SATB2: variants seen among roughly 807,000 people sequenced by gnomAD.
SATB2 encodes the protein DNA-binding protein SATB2.
A neutral mutation model predicts 73.4 loss-of-function variants in SATB2; 1 was observed. That is an observed-to-expected ratio of 0.01 (90% CI 0.00 to 0.06). SATB2 has a LOEUF of 0.06. Ranked by LOEUF, SATB2 falls within the 10% of genes least tolerant of loss-of-function variation. SATB2 has a pLI of 1.00. For synonymous variants in SATB2, 397 were observed against 367.0 expected, an observed-to-expected ratio of 1.08 and a Z score of -0.93; for missense variants, 459 against 945.8, an observed-to-expected ratio of 0.49 and a Z score of 6.75.
intron 3 of SATB2, among the ~76,000 whole-genome samples, chr2:199,420,646 T>C (rs1574612413): frequency 6.6e-6 from 1 of 152,230 alleles, no homozygotes; most frequent in South Asian, 2.1e-4. Context: ...TCAGACAAAT[T>C]CATAATCTTG....
chr2:199,371,294 A>G (rs1244893129), intron 5 of SATB2, among the ~76,000 whole-genome samples: 1 of 152,196 alleles, frequency 6.6e-6, no homozygotes, highest in Non-Finnish European at 1.5e-5. Context: ...TGCTCTGGAC[A>G]CATACCACAA....
chr2:199,434,400 G>A (rs538028706), intron 2 of SATB2, among the ~76,000 whole-genome samples: 1 of 152,156 alleles, frequency 6.6e-6, no homozygotes, highest in East Asian at 1.9e-4. Context: ...ATCAAAGTGT[G>A]AAAAGCTAAA....
intron 8 of SATB2, among the ~76,000 whole-genome samples, chr2:199,324,195 T>C (rs1046957017): frequency 6.6e-6 from 1 of 151,976 alleles, no homozygotes; most frequent in Non-Finnish European, 1.5e-5. Flanking sequence ...CAGACGAAGG[T>C]TCACAGGTAG....
Position 199,380,395 on chromosome 2 carries a change from C to T in SATB2, c.566G>A (p.Ser189Asn). The T allele has an allele frequency of 6.2e-7, 1 of 1,613,966 alleles. No individual in the cohort carries two copies. Among genetic ancestry groups the T allele is most frequent in the African/African-American group, 1.3e-5 (1 of 75,042 alleles). ...LKELLKEMNQSTLAKECPLSQ... is the reference protein window; with the variant it reads ...LKELLKEMNQNTLAKECPLSQ... ...GAGAGGGCATTCTTTGGCTAATGTG[C>T]TCTGGTTCATCTCTTTGAGCAGTTC... Residue 189 changes from serine (S) to asparagine (N), a missense_variant, in exon 5 of 11, where the codon AGC (serine) becomes AAC (asparagine). Transcript: ENST00000417098.
At chr2:199,462,527 C>T (rs1463967767), upstream of SATB2, among the ~76,000 whole-genome samples, 1 of 152,166 alleles carries the variant, frequency 6.6e-6, no homozygotes, top group Non-Finnish European at 1.5e-5. This position sits in a 1 kb window ranked among gnomAD's most constrained non-coding sequence, Gnocchi z 5.9. Flanking sequence ...CGTCTGGGGA[C>T]TGACCGGAGC....
At chr2:199,410,799 G>A (rs1690789297) in intron 3 of SATB2, among the ~76,000 whole-genome samples, 1 of 152,140 alleles carries the variant, frequency 6.6e-6, no homozygotes, top group South Asian at 2.1e-4. Context: ...AACCTATGAT[G>A]AATTTTCCTA....
At chr2:199,324,099 A>G in intron 8 of SATB2, 141 bp from the exon 9 acceptor site, 1 of 862,270 alleles carries the variant, frequency 1.2e-6, no homozygotes, top group South Asian at 1.4e-5. Flanking sequence ...CATTATTCTA[A>G]TCAGGTTAAT....
intron 10 of SATB2, among the ~76,000 whole-genome samples, chr2:199,273,710 T>C (rs1040098273): frequency 7.2e-5 from 11 of 152,248 alleles, no homozygotes; most frequent in African/African-American, 2.7e-4. Context: ...GTTTTGCATA[T>C]ACTTTGTAAT....
chr2:199,383,371 A>G (rs1689834077), intron 3 of SATB2, among the ~76,000 whole-genome samples: 1 of 152,232 alleles, frequency 6.6e-6, no homozygotes, highest in African/African-American at 2.4e-5. Context: ...GGCCCACTGG[A>G]CAGCCACCCA....
At chr2:199,304,232 A>G (rs1396087220) in intron 10 of SATB2, among the ~76,000 whole-genome samples, 1 of 152,216 alleles carries the variant, frequency 6.6e-6, no homozygotes, top group Non-Finnish European at 1.5e-5. Context: ...TTTTATTCTA[A>G]GCTGAGAATA....
chr2:199,273,743 T>C (rs1692229341), intron 10 of SATB2, among the ~76,000 whole-genome samples: 1 of 152,114 alleles, frequency 6.6e-6, no homozygotes, highest in Admixed American at 6.6e-5. Context: ...TTTCTCCTAA[T>C]GTTAAAGTTT....
intron 2 of SATB2, among the ~76,000 whole-genome samples, chr2:199,454,578 G>T (rs561567444): frequency 5.5e-4 from 84 of 152,192 alleles, no homozygotes; most frequent in African/African-American, 1.9e-3. Flanking sequence ...CCAAAAAGGG[G>T]AGATAAACAA....
chr2:199,312,409 T>G (rs1278345925), intron 9 of SATB2, among the ~76,000 whole-genome samples: 1 of 152,190 alleles, frequency 6.6e-6, no homozygotes, highest in Non-Finnish European at 1.5e-5. Context: ...CATTTAGCTT[T>G]TACAGTCTGG....
upstream of SATB2, among the ~76,000 whole-genome samples, chr2:199,461,657 G>C (rs1237275985): frequency 6.6e-6 from 1 of 152,202 alleles, no homozygotes; most frequent in Non-Finnish European, 1.5e-5. Flanking sequence ...TCGGGAATCT[G>C]CTCAGACTTT....
Position 199,368,725 on chromosome 2 carries a change from A to G in SATB2, c.598-18T>C, listed in dbSNP as rs751254650. ...ATCATACTCTGAAAAAAAAAATTATAGTTATTTTTTCAAAATATGACTACT... is the reference window on the plus strand; with the variant it reads ...ATCATACTCTGAAAAAAAAAATTATGGTTATTTTTTCAAAATATGACTACT... On this transcript the variant is annotated intron_variant, in intron 5 of 10. Coordinates refer to ENST00000417098, the MANE Select transcript of SATB2 (RefSeq NM_001172509.2). 1.4e-6 allele frequency: 2 copies of G among 1,467,972 alleles called. No homozygotes were observed. The highest frequency in any genetic ancestry group is 1.1e-5 in the South Asian group (1 of 87,340). 90.9% of individuals were successfully genotyped at this position (1,467,972 alleles called of 1,614,324 possible). A position where few individuals can be genotyped will look rare whatever the true frequency, so the allele number is the denominator to read the frequency against.
upstream of SATB2, among the ~76,000 whole-genome samples, chr2:199,468,668 C>T (rs888297675): frequency 6.6e-6 from 1 of 152,206 alleles, no homozygotes; most frequent in African/African-American, 2.4e-5. Context: ...GTAGAAGAAG[C>T]AGCCGTCTTC....
chr2:199,357,794 C>A (rs1324823950), intron 6 of SATB2, among the ~76,000 whole-genome samples: 3 of 152,058 alleles, frequency 2.0e-5, no homozygotes, highest in Non-Finnish European at 4.4e-5. Flanking sequence ...GTGTCATCAG[C>A]ATGGACTCCC....
At chr2:199,327,927 A>G (rs1034146323) in intron 8 of SATB2, among the ~76,000 whole-genome samples, 2 of 152,122 alleles carry the variant, frequency 1.3e-5, no homozygotes, top group Non-Finnish European at 2.9e-5. Context: ...TTCAGATTAC[A>G]TAAAACAGAG....
rs1384569352 is a variant in SATB2, at chr2:199,269,682, G to GT, written c.*2528dup. ...TTGATACCGCAATAAAACACAATTT[G>GT]TTTTTTTCATTTCACAAAAAAAAAA... On this transcript the variant is annotated 3_prime_UTR_variant, in exon 11 of 11. Transcript: ENST00000417098. 1 of 97,806 alleles carries GT rather than the reference G, an allele frequency of 1.0e-5. No individual in the cohort carries two copies. The highest frequency in any genetic ancestry group is 2.1e-5 in the Non-Finnish European group (1 of 48,242). The allele number at this position is 97,806 out of a possible 1,614,324, so 6.1% of individuals were successfully genotyped here. A position where few individuals can be genotyped will look rare whatever the true frequency, so the allele number is the denominator to read the frequency against.
Sources: gnomAD v4.1 joint callset for allele counts (sites outside exome capture counted in the v4.1 genomes callset) on GRCh38, gnomAD v4.1.1 for gene constraint, Gnocchi (gnomAD v3.1) non-coding constraint, MANE v1.5 for transcripts, NCBI Gene and HGNC (gene_info 2026-07-23, HGNC 2026-07-21) for gene names.